ABCA13: variants seen among roughly 807,000 people sequenced by gnomAD.
ABCA13 encodes ATP binding cassette subfamily A member 13.
A neutral mutation model predicts 478.7 loss-of-function variants in ABCA13; 476 were observed. That is an observed-to-expected ratio of 0.99 (90% CI 0.92 to 1.07). ABCA13 has a LOEUF of 1.07. ABCA13 is among the 50% of genes least tolerant of loss of function. The probability of loss-of-function intolerance (pLI) is 0.00; values close to 1 mark genes in which losing one functional copy is unlikely to be tolerated. For synonymous variants in ABCA13, 2,252 were observed against 2,158.9 expected, an observed-to-expected ratio of 1.04 and a Z score of -1.20; for missense variants, 6,060 against 5,910.6, an observed-to-expected ratio of 1.03 and a Z score of -0.83.
chr7:48,429,494 T>C (rs1382553191), intron 42 of ABCA13, among the ~76,000 whole-genome samples: 1 of 152,228 alleles, frequency 6.6e-6, no homozygotes, highest in African/African-American at 2.4e-5. Context: ...AGTGTGTATC[T>C]CATTGTGGGT....
rs767977899 is a variant in ABCA13, at chr7:48,274,865, C to T, written c.5199C>T (p.Arg1733=). Residue 1733 remains arginine, a synonymous_variant, in exon 17 of 62, where the codon CGC becomes CGT. Transcript: ENST00000435803. The part of the protein sequence containing the change: ...WNVNHLLQLS[R]LFPKDVVDAV... ...TTAATCATCTGCTGCAGCTCTCACG[C>T]CTGTTTCCTAAAGATGTTGTGGATG... 1.2e-5 allele frequency: 20 copies of T among 1,613,800 alleles called. No homozygotes were observed. The highest frequency in any genetic ancestry group is 1.0e-4 in the Admixed American group (6 of 59,990).
intron 55 of ABCA13, among the ~76,000 whole-genome samples, chr7:48,567,922 A>G (rs1173411333): frequency 1.3e-5 from 2 of 152,186 alleles, no homozygotes; most frequent in Non-Finnish European, 2.9e-5. Context: ...TAATAATGAC[A>G]GATATTTGTT....
At chr7:48,501,066 T>A (rs1166346818) in intron 48 of ABCA13, among the ~76,000 whole-genome samples, 10 of 152,148 alleles carry the variant, frequency 6.6e-5, no homozygotes, top group Non-Finnish European at 2.9e-5. Context: ...GTGCCCCGGT[T>A]TTCACCACCA....
intron 42 of ABCA13, among the ~76,000 whole-genome samples, chr7:48,430,862 T>G (rs1226142014): frequency 6.6e-6 from 1 of 152,174 alleles, no homozygotes; most frequent in Non-Finnish European, 1.5e-5. Flanking sequence ...CTCTAATTTT[T>G]ATTATTTTGT....
At chr7:48,379,531 T>A (rs1331855075) in intron 35 of ABCA13, among the ~76,000 whole-genome samples, 1 of 152,108 alleles carries the variant, frequency 6.6e-6, no homozygotes, top group African/African-American at 2.4e-5. Flanking sequence ...TGCTCAGGCA[T>A]GAATGCATCG....
chr7:48,476,314 G>A (rs1001039107), intron 45 of ABCA13, among the ~76,000 whole-genome samples: 1 of 152,096 alleles, frequency 6.6e-6, no homozygotes, highest in Non-Finnish European at 1.5e-5. Context: ...TCTCACAGTG[G>A]CACAGGTTGT....
chr7:48,581,426 A>C (rs1788700451), intron 56 of ABCA13, among the ~76,000 whole-genome samples: 1 of 152,122 alleles, frequency 6.6e-6, no homozygotes, highest in Admixed American at 6.5e-5. Context: ...AAGATAACTG[A>C]CCACCCCACA....
At chr7:48,603,778 T>A (rs1273422392) in intron 58 of ABCA13, 1 of 153,738 alleles carries the variant, frequency 6.5e-6, no homozygotes, top group African/African-American at 2.4e-5. Flanking sequence ...CTTTTTCTAT[T>A]GATTGGAATA....
chr7:48,369,423 C>T (rs537630139), intron 32 of ABCA13, among the ~76,000 whole-genome samples: 34 of 152,082 alleles, frequency 2.2e-4, no homozygotes, highest in East Asian at 9.7e-4. Flanking sequence ...TCTTTGTTTT[C>T]GTTGCATTTG....
chr7:48,361,091 G>A (rs1810751837), intron 31 of ABCA13, among the ~76,000 whole-genome samples: 1 of 148,288 alleles, frequency 6.7e-6, no homozygotes, highest in South Asian at 2.1e-4. Context: ...GTGAGACCCT[G>A]TTTGGAAAAA....
At chr7:48,621,507 A>G (rs1793131977) in intron 59 of ABCA13, among the ~76,000 whole-genome samples, 1 of 152,156 alleles carries the variant, frequency 6.6e-6, no homozygotes, top group Non-Finnish European at 1.5e-5. Context: ...TAAAGAGGAT[A>G]TGTGTGGTCC....
chr7:48,590,556 C>G (rs1027227438), intron 57 of ABCA13, among the ~76,000 whole-genome samples: 2 of 152,250 alleles, frequency 1.3e-5, no homozygotes, highest in Middle Eastern at 3.4e-3. Context: ...TGTAGAGGAA[C>G]CTCCACACTG....
chr7:48,503,470 G>C (rs993368957), intron 48 of ABCA13, among the ~76,000 whole-genome samples: 1 of 152,170 alleles, frequency 6.6e-6, no homozygotes, highest in Non-Finnish European at 1.5e-5. Flanking sequence ...TGAGGTGACA[G>C]CCTTCTACTC....
chr7:48,316,037 A>G (rs2128894998), intron 26 of ABCA13, among the ~76,000 whole-genome samples: 2 of 152,316 alleles, frequency 1.3e-5, no homozygotes, highest in South Asian at 4.1e-4. Flanking sequence ...ATACTGAAGT[A>G]TTCCTCACTA....
At chr7:48,394,773 A>G (rs954333636) in intron 38 of ABCA13, among the ~76,000 whole-genome samples, 2 of 151,700 alleles carry the variant, frequency 1.3e-5, no homozygotes, top group Non-Finnish European at 2.9e-5. Context: ...GATTTGTGAG[A>G]TTTTGGTGCA....
At chr7:48,514,916 AG>A in intron 51 of ABCA13, among the ~76,000 whole-genome samples, 1 of 151,986 alleles carries the variant, frequency 6.6e-6, no homozygotes, top group African/African-American at 2.4e-5. Context: ...ATTTTGAGGC[AG>A]ATTGCTATTG....
chr7:48,267,610 G>A (rs2128738505), intron 15 of ABCA13, among the ~76,000 whole-genome samples: 1 of 151,954 alleles, frequency 6.6e-6, no homozygotes. Flanking sequence ...TTATATATTA[G>A]GTTGGTGCAA....
chr7:48,431,693 A>G (rs1822170839), intron 42 of ABCA13, among the ~76,000 whole-genome samples: 1 of 152,214 alleles, frequency 6.6e-6, no homozygotes, highest in Non-Finnish European at 1.5e-5. Flanking sequence ...AGGTACATAA[A>G]TCATCACAAT....
At chr7:48,633,941 T>TACAC (rs1264179766) in intron 59 of ABCA13, among the ~76,000 whole-genome samples, 2 of 106,098 alleles carry the variant, frequency 1.9e-5, no homozygotes, top group Admixed American at 1.7e-4. Context: ...CATAGATAGA[T>TACAC]AGATAGATAG....
Sources: gnomAD v4.1 joint callset for allele counts (sites outside exome capture counted in the v4.1 genomes callset) on GRCh38, gnomAD v4.1.1 for gene constraint, MANE v1.5 for transcripts, NCBI Gene and HGNC (gene_info 2026-07-23, HGNC 2026-07-21) for gene names.